The following ETV6 variants were observed in gnomAD, a reference collection of about 807,000 sequenced individuals.
ETV6 encodes ETS variant transcription factor 6, also known as transcription factor ETV6.
ETV6 carries 16 observed loss-of-function variants against 51.1 expected under a neutral mutation model. The ratio of observed to expected loss-of-function variants is 0.31; its 90% CI spans 0.21 to 0.48. The LOEUF is 0.48. Ranked by LOEUF, ETV6 falls within the 20% of genes least tolerant of loss-of-function variation. ETV6 has a pLI of 0.99. For missense variants in ETV6, 458 were observed against 594.8 expected, an observed-to-expected ratio of 0.77 and a Z score of 2.39; for synonymous variants, 240 against 224.1, an observed-to-expected ratio of 1.07 and a Z score of -0.64.
intron 2 of ETV6, among the ~76,000 whole-genome samples, chr12:11,803,908 ATAT>A (rs1454118157): frequency 2.0e-5 from 3 of 151,524 alleles, no homozygotes; most frequent in African/African-American, 4.8e-5. Flanking sequence ...CTGAGCAAAA[ATAT>A]TATTAGTATC....
At chr12:11,873,499 A>C (rs1946917751) in intron 5 of ETV6, among the ~76,000 whole-genome samples, 1 of 44,248 alleles carries the variant, frequency 2.3e-5, no homozygotes, top group Admixed American at 3.0e-4. Context: ...AGATGAGAAA[A>C]CTTAGTTCCT....
chr12:11,755,282 G>C (rs947565653), intron 2 of ETV6, among the ~76,000 whole-genome samples: 3 of 152,226 alleles, frequency 2.0e-5, no homozygotes, highest in Non-Finnish European at 4.4e-5. Flanking sequence ...TAGAACTGCA[G>C]CACATTCCCG....
In ETV6 at chr12:11,722,205, GA is replaced by G. The variant is rs1243393730; in HGVS notation, c.34-30243del. ...TTCTTCTCCCACCAAGTCTTTATCA[GA>G]ACTGCTAACAAGGAGAAAAGTCGAC... On this transcript the variant is annotated intron_variant, in intron 1 of 7. Transcript: ENST00000396373. 7.9e-5 allele frequency among the ~76,000 whole-genome samples: 12 copies of G among 152,168 alleles called. 1 individual carries two copies. Among genetic ancestry groups the G allele is most frequent in the Admixed American group, 1.3e-4 (2 of 15,280 alleles).
At chr12:11,804,454 C>A (rs910973901) in intron 2 of ETV6, among the ~76,000 whole-genome samples, 7 of 152,108 alleles carry the variant, frequency 4.6e-5, no homozygotes, top group Non-Finnish European at 1.0e-4. Flanking sequence ...GCTAGTTCCT[C>A]TTCAGCCACC....
chr12:11,766,414 C>T (rs903580639), intron 2 of ETV6, among the ~76,000 whole-genome samples: 11 of 152,146 alleles, frequency 7.2e-5, no homozygotes, highest in Admixed American at 7.2e-4. Flanking sequence ...GCAGGCAAAG[C>T]CCTATTATAC....
intron 3 of ETV6, among the ~76,000 whole-genome samples, chr12:11,846,199 T>A (rs1251856661): frequency 5.4e-5 from 8 of 148,746 alleles, no homozygotes; most frequent in Admixed American, 5.3e-4. Context: ...ATCTAAAAAG[T>A]ACCTCTCCCA....
At chr12:11,770,545 C>T (rs544491469) in intron 2 of ETV6, among the ~76,000 whole-genome samples, 3 of 152,292 alleles carry the variant, frequency 2.0e-5, no homozygotes, top group East Asian at 1.9e-4. Flanking sequence ...CATATCTAGC[C>T]ACTGTCAACC....
intron 1 of ETV6, among the ~76,000 whole-genome samples, chr12:11,707,410 A>G (rs1002098196): frequency 1.3e-5 from 2 of 152,132 alleles, no homozygotes; most frequent in African/African-American, 4.8e-5. Context: ...CTGGATGTAG[A>G]TTGTTTGAAA....
At chr12:11,779,085 C>G (rs987537738) in intron 2 of ETV6, among the ~76,000 whole-genome samples, 1 of 152,162 alleles carries the variant, frequency 6.6e-6, no homozygotes, top group Non-Finnish European at 1.5e-5. Flanking sequence ...TCTATTTTTT[C>G]ATAGATTTGG....
Position 11,702,994 on chromosome 12 carries a change from T to C in ETV6, c.34-49456T>C, listed in dbSNP as rs572641339. ...GGTGGCACATGCCTGTAGTCCCGGC[T>C]ACCTGAAAGGCTGAGGTGGGAGGAT... On this transcript the variant is annotated intron_variant, in intron 1 of 7. Transcript: ENST00000396373. Among the ~76,000 whole-genome samples the C allele has an allele frequency of 5.9e-5, 9 of 152,276 alleles. No homozygotes were observed. The South Asian group carries it at 1.9e-3, about 32-fold the overall frequency.
intron 3 of ETV6, among the ~76,000 whole-genome samples, chr12:11,846,036 G>GA (rs1475663494): frequency 1.3e-5 from 2 of 151,458 alleles, no homozygotes; most frequent in African/African-American, 4.8e-5. Context: ...AGCAGAGTTA[G>GA]AAAACCAAGC....
At chr12:11,688,087 T>C (rs1864670879) in intron 1 of ETV6, among the ~76,000 whole-genome samples, 1 of 143,806 alleles carries the variant, frequency 7.0e-6, no homozygotes, top group Admixed American at 7.1e-5. Context: ...CAGGGAAATG[T>C]GGAGTCTGGG....
chr12:11,741,560 T>G (rs567543318), intron 1 of ETV6, among the ~76,000 whole-genome samples: 1 of 152,288 alleles, frequency 6.6e-6, no homozygotes, highest in Admixed American at 6.5e-5. Context: ...GAAGCCTTCC[T>G]TGGGGTGGAC....
chr12:11,745,775 G>GAA (rs1218359896), intron 1 of ETV6, among the ~76,000 whole-genome samples: 3 of 152,200 alleles, frequency 2.0e-5, no homozygotes, highest in Non-Finnish European at 4.4e-5. Context: ...AAGAACAAGG[G>GAA]AAATGTCTTC....
chr12:11,766,875 C>A (rs1945169276), intron 2 of ETV6, among the ~76,000 whole-genome samples: 1 of 152,154 alleles, frequency 6.6e-6, no homozygotes, highest in Non-Finnish European at 1.5e-5. Context: ...GGTCTGAATT[C>A]TTTGCTTTGT....
At chr12:11,714,649 GA>G (rs10709538) in intron 1 of ETV6, among the ~76,000 whole-genome samples, 30,252 of 86,926 alleles carry the variant, frequency 0.35, 5,003 homozygotes, top group Middle Eastern at 0.47. Flanking sequence ...ACCTTGAGGT[GA>G]AAAAAAAAAA....
At chr12:11,760,244 T>C (rs1333778819) in intron 2 of ETV6, among the ~76,000 whole-genome samples, 1 of 152,252 alleles carries the variant, frequency 6.6e-6, no homozygotes, top group Non-Finnish European at 1.5e-5. Context: ...AACCCCATTC[T>C]TTCAACATTG....
chr12:11,677,276 C>T (rs963044257), intron 1 of ETV6, among the ~76,000 whole-genome samples: 1 of 152,200 alleles, frequency 6.6e-6, no homozygotes, highest in Admixed American at 6.5e-5. Context: ...TCTCTCCTCC[C>T]TCCTCCTGCC....
At chr12:11,709,370 C>T (rs754534978) in intron 1 of ETV6, among the ~76,000 whole-genome samples, 1 of 152,020 alleles carries the variant, frequency 6.6e-6, no homozygotes, top group Non-Finnish European at 1.5e-5. Flanking sequence ...CTCCTCTCTT[C>T]TTCTTTTCTT....
Sources: gnomAD v4.1 joint callset for allele counts (sites outside exome capture counted in the v4.1 genomes callset) on GRCh38, gnomAD v4.1.1 for gene constraint, MANE v1.5 for transcripts, NCBI Gene and HGNC (gene_info 2026-07-23, HGNC 2026-07-21) for gene names.